GSG1L: variants seen among roughly 807,000 people sequenced by gnomAD.
GSG1L encodes the protein GSG1 like.
In GSG1L, 24 loss-of-function variants were observed where a neutral mutation model predicts 42.1. The observed-to-expected ratio is 0.57, with a 90% CI of 0.41 to 0.80. The LOEUF (loss-of-function observed/expected upper bound fraction) is 0.80, where lower values mean the gene tolerates loss of function less well. Ranked by LOEUF, GSG1L falls within the 30% of genes least tolerant of loss-of-function variation. The pLI is 0.00. For missense variants in GSG1L, 445 were observed against 472.2 expected (o/e 0.94, Z 0.53); for synonymous variants, 215 against 203.5 (o/e 1.06, Z -0.48).
intron 5 of GSG1L, among the ~76,000 whole-genome samples, chr16:27,816,151 A>C (rs1481311544): frequency 6.6e-6 from 1 of 152,148 alleles, no homozygotes; most frequent in African/African-American, 2.4e-5. Flanking sequence ...TCCCAGTTCC[A>C]GAGGTGGAAG....
At chr16:27,808,718 A>C (rs1375448527) in intron 5 of GSG1L, among the ~76,000 whole-genome samples, 1 of 152,178 alleles carries the variant, frequency 6.6e-6, no homozygotes, top group South Asian at 2.1e-4. Context: ...GTACTATCAA[A>C]GCCCCAGTCT....
chr16:27,987,362 T>A (rs1363930636), intron 1 of GSG1L, among the ~76,000 whole-genome samples: 1 of 152,206 alleles, frequency 6.6e-6, no homozygotes, highest in Non-Finnish European at 1.5e-5. Context: ...TGTTTTAAGG[T>A]CATAAAACTG....
At chr16:27,824,049 G>A (rs905688825) in intron 5 of GSG1L, 5 of 653,148 alleles carry the variant, frequency 7.7e-6, no homozygotes, top group Admixed American at 2.1e-5. Context: ...GCCATGCTTC[G>A]AAATACCCTC....
chr16:27,804,037 G>GGATAGATAGATACAGATAGATAGATA (rs1455236652), intron 6 of GSG1L, among the ~76,000 whole-genome samples: 13 of 132,676 alleles, frequency 9.8e-5, no homozygotes, highest in African/African-American at 1.6e-4. Context: ...TAGATTAGAT[G>GGATAGATAGATACAGATAGATAGATA]GATAGATAGA....
At chr16:27,920,003 T>C (rs1162466125) in intron 2 of GSG1L, among the ~76,000 whole-genome samples, 2 of 152,200 alleles carry the variant, frequency 1.3e-5, no homozygotes, top group Non-Finnish European at 2.9e-5. Context: ...GAAAAAAGAT[T>C]ATGGAATCTT....
At chr16:27,815,305 C>A (rs898884626) in intron 5 of GSG1L, among the ~76,000 whole-genome samples, 7 of 152,112 alleles carry the variant, frequency 4.6e-5, no homozygotes, top group Admixed American at 3.9e-4. Context: ...AGGAGCCTGG[C>A]ATCTCCACCT....
At chr16:27,973,542 C>T (rs563635160) in intron 1 of GSG1L, among the ~76,000 whole-genome samples, 4 of 149,600 alleles carry the variant, frequency 2.7e-5, no homozygotes, top group Admixed American at 2.0e-4. Context: ...ACATGAGACA[C>T]GGTCTTCTGC....
intron 6 of GSG1L, among the ~76,000 whole-genome samples, chr16:27,795,540 C>G (rs940380494): frequency 6.6e-6 from 1 of 152,216 alleles, no homozygotes; most frequent in African/African-American, 2.4e-5. Flanking sequence ...CTTCACTGTC[C>G]AATCTCAGAC....
chr16:28,018,287 TAA>T (rs1398497732), intron 1 of GSG1L, among the ~76,000 whole-genome samples: 1 of 152,216 alleles, frequency 6.6e-6, no homozygotes, highest in Non-Finnish European at 1.5e-5. Flanking sequence ...AGTAGGTAGC[TAA>T]AGATTGATCC....
chr16:27,973,865 C>T (rs1243452151), intron 1 of GSG1L, among the ~76,000 whole-genome samples: 1 of 152,160 alleles, frequency 6.6e-6, no homozygotes, highest in African/African-American at 2.4e-5. Flanking sequence ...TCCAGGTTGC[C>T]TGAGGCTGCT....
At chr16:27,836,326 T>A (rs528983802) in intron 4 of GSG1L, among the ~76,000 whole-genome samples, 2 of 152,178 alleles carry the variant, frequency 1.3e-5, no homozygotes, top group South Asian at 2.1e-4. Flanking sequence ...CTGTGATGTG[T>A]CTTGGTATGG....
intron 5 of GSG1L, among the ~76,000 whole-genome samples, chr16:27,821,689 A>C (rs1428406796): frequency 6.6e-6 from 1 of 152,120 alleles, no homozygotes; most frequent in Non-Finnish European, 1.5e-5. Context: ...TCCCGAGATC[A>C]GGAGATCACG....
rs918360756 is a variant in GSG1L, at chr16:27,830,468, G to A, written c.663-1512C>T. Among the ~76,000 whole-genome samples, 10 of 150,390 alleles carry A rather than the reference G, an allele frequency of 6.6e-5. No homozygotes were observed. The South Asian group carries it at 1.9e-3, about 28-fold the overall frequency. On this transcript the variant is annotated intron_variant, in intron 4 of 6. Coordinates refer to ENST00000447459, the MANE Select transcript of GSG1L (RefSeq NM_001109763.2). Reference sequence around the variant, plus strand: ...AGCAAGGAAAAAATCTGAGGACTCTGCCTTTCTCAAAGGGATCCTCAAAAG... The same window carrying A: ...AGCAAGGAAAAAATCTGAGGACTCTACCTTTCTCAAAGGGATCCTCAAAAG...
chr16:27,950,542 G>A (rs1321921537), intron 2 of GSG1L, among the ~76,000 whole-genome samples: 1 of 152,098 alleles, frequency 6.6e-6, no homozygotes, highest in African/African-American at 2.4e-5. Flanking sequence ...TTAAGGAGGT[G>A]GGAGGGCCAG....
chr16:28,024,898 T>G (rs1364305234), intron 1 of GSG1L, among the ~76,000 whole-genome samples: 2 of 152,224 alleles, frequency 1.3e-5, no homozygotes, highest in East Asian at 3.8e-4. Context: ...AAGGCTTTCT[T>G]ACATTTACCA....
chr16:27,931,976 A>G (rs1045700390), intron 2 of GSG1L, among the ~76,000 whole-genome samples: 1 of 152,214 alleles, frequency 6.6e-6, no homozygotes, highest in Non-Finnish European at 1.5e-5. Context: ...TTCAGCAGAC[A>G]TTCACAGCCG....
chr16:28,059,038 C>T lies in GSG1L; in HGVS notation c.349+4038G>A, dbSNP rs888218474. Among the ~76,000 whole-genome samples the T allele has an allele frequency of 1.5e-4, 23 of 152,152 alleles. No homozygotes were observed. Among genetic ancestry groups the T allele is most frequent in the Non-Finnish European group, 2.9e-4 (20 of 68,014 alleles). On this transcript the variant is annotated intron_variant, in intron 1 of 6. Transcript: ENST00000447459. The surrounding 1 kb of genome is among the most constrained non-coding windows in gnomAD (Gnocchi z 4.4). Reference sequence around the variant, plus strand: ...TGGCTGCAGAAGTCCATGGGAGACACGGGTGGCTGTGGGTGGCTCAGCCCA... The same window carrying T: ...TGGCTGCAGAAGTCCATGGGAGACATGGGTGGCTGTGGGTGGCTCAGCCCA...
intron 1 of GSG1L, among the ~76,000 whole-genome samples, chr16:27,988,161 T>A (rs2085409881): frequency 6.6e-6 from 1 of 151,896 alleles, no homozygotes; most frequent in Non-Finnish European, 1.5e-5. Context: ...AAACAAAAAA[T>A]TAAGGAAACA....
chr16:27,846,527 A>AT (rs879718752), intron 3 of GSG1L, among the ~76,000 whole-genome samples: 11 of 152,234 alleles, frequency 7.2e-5, no homozygotes, highest in Non-Finnish European at 1.2e-4. Flanking sequence ...AAAAGCATTG[A>AT]TTCCTAAATT....
Sources: gnomAD v4.1 joint callset for allele counts (sites outside exome capture counted in the v4.1 genomes callset) on GRCh38, gnomAD v4.1.1 for gene constraint, Gnocchi (gnomAD v3.1) non-coding constraint, MANE v1.5 for transcripts, NCBI Gene and HGNC (gene_info 2026-07-23, HGNC 2026-07-21) for gene names.